TAOK3: variants seen among roughly 807,000 people sequenced by gnomAD.
TAOK3 encodes TAO kinase 3.
Under a neutral mutation model 120.4 loss-of-function variants are expected in TAOK3, and 40 were observed. That is an observed-to-expected ratio of 0.33 (90% CI 0.26 to 0.43). The LOEUF (loss-of-function observed/expected upper bound fraction) is 0.43. Ranked by LOEUF, TAOK3 falls within the 20% of genes least tolerant of loss-of-function variation. The pLI is 1.00. For synonymous variants in TAOK3, 355 were observed against 387.5 expected (o/e 0.92, Z 0.99); for missense variants, 821 against 1,112.1 (o/e 0.74, Z 3.72).
chr12:118,200,459 AT>A (rs2037965545), intron 12 of TAOK3: 1 of 151,958 alleles, frequency 6.6e-6, no homozygotes, highest in African/African-American at 2.4e-5. Flanking sequence ...TCTTAACCCA[AT>A]TTCTGAATCT....
At chr12:118,182,619 A>ATT (rs1468532462) in intron 14 of TAOK3, among the ~76,000 whole-genome samples, 1 of 94,828 alleles carries the variant, frequency 1.1e-5, no homozygotes, top group African/African-American at 4.9e-5. Flanking sequence ...ATATATATAT[A>ATT]TATATTTTTT....
intron 1 of TAOK3, among the ~76,000 whole-genome samples, chr12:118,279,582 A>ATT (rs1285001157): frequency 4.9e-4 from 60 of 121,266 alleles, no homozygotes; most frequent in East Asian, 7.0e-4. Context: ...TCTTGAGTTG[A>ATT]TTTTTTTTTT....
intron 1 of TAOK3, among the ~76,000 whole-genome samples, chr12:118,364,827 T>C (rs749032309): frequency 8.6e-5 from 13 of 152,000 alleles, no homozygotes; most frequent in Non-Finnish European, 1.8e-4. Flanking sequence ...ATTGCTTGAA[T>C]CTGGGAGGCG....
In TAOK3 at chr12:118,255,630, T is replaced by A; in HGVS notation, c.-63A>T. On this transcript the variant is annotated 5_prime_UTR_variant, in exon 3 of 21. Coordinates refer to ENST00000392533, the MANE Select transcript of TAOK3 (RefSeq NM_016281.4). ...TTAGCTTTATTTCTCATTGACAATT[T>A]TTTTTGGGGGGTAAATCTTCAGTAC... 6.6e-7 allele frequency: 1 copy of A among 1,521,736 alleles called. No individual in the cohort carries two copies. Among genetic ancestry groups the A allele is most frequent in the Admixed American group, 2.2e-5 (1 of 45,960 alleles). The allele number at this position is 1,521,736 out of a possible 1,614,324, so 94.3% of individuals were successfully genotyped here. A position where few individuals can be genotyped will look rare whatever the true frequency, so the allele number is the denominator to read the frequency against.
intron 1 of TAOK3, among the ~76,000 whole-genome samples, chr12:118,277,601 C>G (rs533337278): frequency 1.3e-5 from 2 of 152,038 alleles, no homozygotes; most frequent in Non-Finnish European, 2.9e-5. Context: ...GCTGGGAGTA[C>G]AGGCGCGCAC....
chr12:118,294,610 C>G (rs12231845), intron 1 of TAOK3, among the ~76,000 whole-genome samples: 1 of 152,038 alleles, frequency 6.6e-6, no homozygotes, highest in African/African-American at 2.4e-5. Context: ...TCTTGAACTC[C>G]TGACCTCAGG....
Position 118,298,104 on chromosome 12 carries a change from A to G in TAOK3, c.-193-31345T>C, listed in dbSNP as rs539068150. 3.3e-5 allele frequency among the ~76,000 whole-genome samples: 5 copies of G among 152,280 alleles called. No homozygotes were observed. The East Asian group carries it at 9.6e-4, about 29-fold the overall frequency. ...CACAATTTCTTTTGAACAATTAGTT[A>G]CCAATTGGAGAAGACATATTACTCT... On this transcript the variant is annotated intron_variant, in intron 1 of 20. Coordinates refer to ENST00000392533, the MANE Select transcript of TAOK3 (RefSeq NM_016281.4).
chr12:118,171,444 C>T (rs2035989479), intron 17 of TAOK3, among the ~76,000 whole-genome samples: 2 of 152,228 alleles, frequency 1.3e-5, no homozygotes, highest in African/African-American at 4.8e-5. Context: ...GTAACCTCTG[C>T]CTCCTAGGCT....
intron 1 of TAOK3, among the ~76,000 whole-genome samples, chr12:118,306,020 C>G (rs927087206): frequency 6.6e-6 from 1 of 151,044 alleles, no homozygotes; most frequent in Non-Finnish European, 1.5e-5. Flanking sequence ...CAGATATTTA[C>G]AAGAGGACAC....
chr12:118,165,271 G>A (rs1369111726), intron 17 of TAOK3, among the ~76,000 whole-genome samples: 1 of 152,142 alleles, frequency 6.6e-6, no homozygotes. Flanking sequence ...GCCAAGGAAA[G>A]CCCTTTAAAT....
intron 1 of TAOK3, among the ~76,000 whole-genome samples, chr12:118,368,113 T>A (rs1267718419): frequency 6.6e-6 from 1 of 152,138 alleles, no homozygotes; most frequent in Non-Finnish European, 1.5e-5. Flanking sequence ...CTGAAAACAG[T>A]TTGAGAACCA....
intron 1 of TAOK3, among the ~76,000 whole-genome samples, chr12:118,290,432 T>C (rs1292872152): frequency 6.6e-6 from 1 of 152,222 alleles, no homozygotes; most frequent in East Asian, 1.9e-4. Context: ...GACTGTCCCC[T>C]AAGCTAGGGT....
chr12:118,367,427 T>A (rs1158767771), intron 1 of TAOK3, among the ~76,000 whole-genome samples: 4 of 151,840 alleles, frequency 2.6e-5, no homozygotes, highest in Admixed American at 6.6e-5. Context: ...TTTTTTTTTT[T>A]AATTTGGTGC....
At chr12:118,228,331 T>C (rs1409143475) in intron 9 of TAOK3, among the ~76,000 whole-genome samples, 2 of 152,014 alleles carry the variant, frequency 1.3e-5, no homozygotes, top group African/African-American at 4.8e-5. Context: ...TTTGTATTTT[T>C]AGTAGAGATG....
chr12:118,326,192 G>C (rs939928275), intron 1 of TAOK3, among the ~76,000 whole-genome samples: 1 of 152,208 alleles, frequency 6.6e-6, no homozygotes, highest in Admixed American at 6.5e-5. Flanking sequence ...TTTTGTATAT[G>C]GTTGAGAGAT....
chr12:118,199,039 C>A lies in TAOK3; in HGVS notation c.1194+12G>T. ...CAAAGCTCACCTCTGTGGAGGGTAC[C>A]AAGAAACCTACTTTCTTATGCACGA... is the stretch of plus-strand genomic sequence containing the variant. On this transcript the variant is annotated intron_variant, in intron 13 of 20. Coordinates refer to ENST00000392533, the MANE Select transcript of TAOK3 (RefSeq NM_016281.4). 6.2e-7 allele frequency: 1 copy of A among 1,613,718 alleles called. No homozygotes were observed. The highest frequency in any genetic ancestry group is 8.5e-7 in the Non-Finnish European group (1 of 1,179,648).
intron 1 of TAOK3, among the ~76,000 whole-genome samples, chr12:118,309,841 C>A (rs1278148163): frequency 6.6e-6 from 1 of 152,052 alleles, no homozygotes; most frequent in East Asian, 1.9e-4. Flanking sequence ...TTATCTTCCT[C>A]CTGGCTATGT....
intron 1 of TAOK3, among the ~76,000 whole-genome samples, chr12:118,346,259 G>A (rs564410581): frequency 1.3e-5 from 2 of 152,262 alleles, no homozygotes; most frequent in African/African-American, 4.8e-5. Context: ...AGGAGGCTTA[G>A]CTTCCACATC....
intron 3 of TAOK3, chr12:118,246,070 C>T (rs76212373): frequency 0.05 from 48,780 of 982,996 alleles, 1,493 homozygotes; most frequent in Middle Eastern, 0.079. Flanking sequence ...GCTTCTTTTC[C>T]GAGAAAACAA....
Sources: allele counts gnomAD v4.1 joint callset (sites outside exome capture counted in the v4.1 genomes callset), GRCh38; gene constraint gnomAD v4.1.1; transcripts MANE v1.5; gene names NCBI Gene and HGNC (gene_info 2026-07-23, HGNC 2026-07-21).